The following ATXN7L2 variants were observed in gnomAD, a reference collection of about 807,000 sequenced individuals.
ATXN7L2 encodes ataxin 7 like 2, also known as ataxin-7-like protein 2.
ATXN7L2 carries 17 observed loss-of-function variants against 59.6 expected under a neutral mutation model. The observed-to-expected ratio is 0.29, with a 90% CI of 0.20 to 0.43. ATXN7L2 has a LOEUF of 0.43. Among genes scored for constraint, ATXN7L2 ranks in the 20% least tolerant of loss-of-function variants. ATXN7L2 has a pLI of 1.00. For synonymous variants in ATXN7L2, 378 were observed against 392.5 expected (o/e 0.96, Z 0.44); for missense variants, 858 against 1,008.9 (o/e 0.85, Z 2.03).
At chr1:109,492,558 C>T in intron 10 of ATXN7L2, 28 bp from the exon 11 acceptor site, 21 of 1,613,954 alleles carry the variant, frequency 1.3e-5, no homozygotes, top group Non-Finnish European at 1.8e-5. Flanking sequence ...CACCCTGACC[C>T]TTTCTCTCGC....
chr1:109,487,023 C>T lies in ATXN7L2; in HGVS notation c.315C>T (p.Pro105=). The stretch of plus-strand genomic sequence containing the variant: ...TGGTGACAGAAAGAAGACATGGGCC[C>T]CTCAGCAAGCTTTATGGCCGGGCCC... ...FQKHCERRHG[P]LSKLYGRAPP... The change falls in exon 4 of 11, where the codon CCC becomes CCT. Residue 105 remains proline (P), a synonymous_variant. Transcript: ENST00000683729. The T allele has an allele frequency of 3.1e-6, 5 of 1,597,842 alleles. No homozygotes were observed. Among genetic ancestry groups the T allele is most frequent in the Admixed American group, 1.8e-5 (1 of 56,144 alleles).
chr1:109,489,823 G>C (rs1372406752), intron 7 of ATXN7L2, 107 bp from the exon 8 acceptor site: 25 of 1,157,938 alleles, frequency 2.2e-5, no homozygotes, highest in Non-Finnish European at 2.7e-5. Context: ...TGCCCTGCAG[G>C]GTGTCTGCCC....
At chr1:109,485,834 G>C (rs1656548482) in intron 1 of ATXN7L2, 5 of 1,205,958 alleles carry the variant, frequency 4.1e-6, no homozygotes, top group Non-Finnish European at 5.2e-6. Context: ...AGGAAGATGG[G>C]CATTTGAGAA....
Position 109,486,623 on chromosome 1 carries a change from C to T in ATXN7L2, c.298+13C>T. The T allele has an allele frequency of 6.2e-7, 1 of 1,605,798 alleles. No homozygotes were observed. The highest frequency in any genetic ancestry group is 8.5e-7 in the Non-Finnish European group (1 of 1,172,860). On this transcript the variant is annotated intron_variant, in intron 3 of 10. Transcript: ENST00000683729. The surrounding 1 kb of genome is among the most constrained non-coding windows in gnomAD (Gnocchi z 4.3). ...CAGAAGCACTGCGGTGAGGGGAGCC[C>T]TAGGGAGGAGATAAAGGGACAGGGG...
Position 109,488,548 on chromosome 1 carries a change from T to C in ATXN7L2, c.879+83T>C, listed in dbSNP as rs962548159. 10 of 1,436,180 alleles carry C rather than the reference T, an allele frequency of 7.0e-6. No homozygotes were observed. The highest frequency in any genetic ancestry group is 1.4e-5 in the African/African-American group (1 of 70,570). The allele number at this position is 1,436,180 out of a possible 1,614,324, so 89.0% of individuals were successfully genotyped here. On this transcript the variant is annotated intron_variant, in intron 6 of 10. Transcript: ENST00000683729. The surrounding 1 kb of genome is among the most constrained non-coding windows in gnomAD (Gnocchi z 5.0). Reference sequence around the variant, plus strand: ...CCCTGGGCAAAGAGAGGAATGTCGATGTTACTGAAGGTCCAGCTTAAGGGA... The same window carrying C: ...CCCTGGGCAAAGAGAGGAATGTCGACGTTACTGAAGGTCCAGCTTAAGGGA...
rs12049330 is a variant in ATXN7L2 at position 109,488,566 on chromosome 1, T to A, written c.879+101T>A. 1.5e-6 allele frequency: 2 copies of A among 1,357,254 alleles called. No homozygotes were observed. Among genetic ancestry groups the A allele is most frequent in the Non-Finnish European group, 2.0e-6 (2 of 979,820 alleles). The allele number at this position is 1,357,254 out of a possible 1,614,324, so 84.1% of individuals were successfully genotyped here. ...ATGTCGATGTTACTGAAGGTCCAGC[T>A]TAAGGGAGGGCAGTTAGGCCCACCC... On this transcript the variant is annotated intron_variant, in intron 6 of 10. Transcript: ENST00000683729. The surrounding 1 kb of genome is among the most constrained non-coding windows in gnomAD (Gnocchi z 5.0).
In ATXN7L2 at chr1:109,488,284, C is replaced by A; in HGVS notation, c.797-99C>A. The A allele has an allele frequency of 8.6e-7, 1 of 1,158,450 alleles. No homozygotes were observed. The highest frequency in any genetic ancestry group is 1.3e-5 in the South Asian group (1 of 75,770). The allele number at this position is 1,158,450 out of a possible 1,614,324, so 71.8% of individuals were successfully genotyped here. A position where few individuals can be genotyped will look rare whatever the true frequency, so the allele number is the denominator to read the frequency against. ...GGCTGAGGGCTGGAGTCTCTTCTGCCTTAGTACCAGTTCTCAGGCCCTTGG... is the reference window on the plus strand; with the variant it reads ...GGCTGAGGGCTGGAGTCTCTTCTGCATTAGTACCAGTTCTCAGGCCCTTGG... On this transcript the variant is annotated intron_variant, in intron 5 of 10. Coordinates refer to ENST00000683729, the MANE Select transcript of ATXN7L2 (RefSeq NM_001350175.2). The surrounding 1 kb of genome is among the most constrained non-coding windows in gnomAD (Gnocchi z 5.0).
chr1:109,487,719 G>C lies in ATXN7L2; in HGVS notation c.711G>C (p.Gly237=), dbSNP rs373813012. The C allele has an allele frequency of 3.1e-6, 5 of 1,613,494 alleles. No individual in the cohort carries two copies. The African/African-American group carries it at 6.7e-5, about 22-fold the overall frequency. The change falls in exon 5 of 11, where the codon GGG becomes GGC. Residue 237 remains glycine (G), a synonymous_variant. Coordinates refer to ENST00000683729, the MANE Select transcript of ATXN7L2 (RefSeq NM_001350175.2). ...RENIEIIPSE[G]SSHWAEGSPP... ...ACATCGAGATCATCCCCAGTGAGGG[G>C]TCCAGTCACTGGGCTGAAGGCAGCC... is the stretch of plus-strand genomic sequence containing the variant.
In ATXN7L2 at chr1:109,487,046, C is replaced by A. The variant is rs988910209; in HGVS notation, c.338C>A (p.Ala113Asp). 16 of 1,609,728 alleles carry A rather than the reference C, an allele frequency of 9.9e-6. No homozygotes were observed. The highest frequency in any genetic ancestry group is 1.4e-5 in the Non-Finnish European group (16 of 1,178,078). Residue 113 changes from alanine to aspartate, a missense_variant, in exon 4 of 11, where the codon GCC becomes GAC. Ala to Asp is a moderately radical substitution (Grantham distance 126, BLOSUM62 -2). Around this residue, in one of 3 missense-constraint regions of ATXN7L2, gnomAD observed 734 missense variants for 862.3 expected, o/e 0.85. Coordinates refer to ENST00000683729, the MANE Select transcript of ATXN7L2 (RefSeq NM_001350175.2). ...HGPLSKLYGRAPPPPPAPASS... is the reference protein window; with the variant it reads ...HGPLSKLYGRDPPPPPAPASS... ...CCCCTCAGCAAGCTTTATGGCCGGG[C>A]CCCACCCCCACCTCCAGCCCCTGCC...
Position 109,488,964 on chromosome 1 carries a change from G to A in ATXN7L2, c.997G>A (p.Gly333Arg). The change falls in exon 7 of 11, where the codon GGG (glycine) becomes AGG (arginine). Residue 333 changes from glycine to arginine, a missense_variant. By Grantham distance (125) the Gly-to-Arg change is moderately radical. Around this residue, in one of 3 missense-constraint regions of ATXN7L2, gnomAD observed 734 missense variants for 862.3 expected, o/e 0.85. Transcript: ENST00000683729. The surrounding 1 kb of genome is among the most constrained non-coding windows in gnomAD (Gnocchi z 5.0). Reference protein sequence around the residue: ...KGESPKEKSPGRKEQVLERPS... With the variant: ...KGESPKEKSPRRKEQVLERPS... ...GGAGTCTCCCAAGGAGAAGAGCCCA[G>A]GGCGCAAGGAGCAAGTTCTCGAGCG... 1 of 1,614,180 alleles carries A rather than the reference G, an allele frequency of 6.2e-7. No individual in the cohort carries two copies. Among genetic ancestry groups the A allele is most frequent in the Non-Finnish European group, 8.5e-7 (1 of 1,180,012 alleles).
rs1656559320 is a variant in ATXN7L2, at chr1:109,486,019, ACTGGCC to A, written c.128-34_128-29del. ...AAGGAGAGGCTGGAGACTCTCTAAA[ACTGGCC>A]CTGACCCTTCTGAGCTGTGTTTCTC... On this transcript the variant is annotated intron_variant, in intron 1 of 10. Transcript: ENST00000683729. This position sits in a 1 kb window ranked among gnomAD's most constrained non-coding sequence, Gnocchi z 4.3. The A allele has an allele frequency of 1.1e-5, 17 of 1,521,448 alleles. No homozygotes were observed. The highest frequency in any genetic ancestry group is 3.5e-4 in the Middle Eastern group (2 of 5,662). 94.2% of individuals were successfully genotyped at this position (1,521,448 alleles called of 1,614,324 possible). A position where few individuals can be genotyped will look rare whatever the true frequency, so the allele number is the denominator to read the frequency against.
At chr1:109,492,791 G>A (rs1416031958), downstream of ATXN7L2, 2 of 713,772 alleles carry the variant, frequency 2.8e-6, no homozygotes, top group African/African-American at 1.8e-5. Flanking sequence ...ACATAGAAAA[G>A]GAAGGAAAAA....
rs1474811165 is a variant in ATXN7L2, at chr1:109,490,309, C to T, written c.1371C>T (p.Cys457=). Residue 457 remains cysteine (C), a synonymous_variant, in exon 9 of 11, where the codon TGC becomes TGT. Transcript: ENST00000683729. ...GGAGCCGGCTGGTGAGCCCAGGATG[C>T]TATGTGTTTAGCCGCCGGCTGGACC... ...TFGSRLVSPG[C]YVFSRRLDRF... 5 of 1,613,898 alleles carry T rather than the reference C, an allele frequency of 3.1e-6. No individual in the cohort carries two copies. The highest frequency in any genetic ancestry group is 1.3e-5 in the African/African-American group (1 of 74,944).
rs1657020656 is a variant in ATXN7L2 at position 109,491,090 on chromosome 1, C to T, written c.1623C>T (p.Tyr541=). 8 of 1,613,764 alleles carry T rather than the reference C, an allele frequency of 5.0e-6. No individual in the cohort carries two copies. The highest frequency in any genetic ancestry group is 5.9e-6 in the Non-Finnish European group (7 of 1,180,006). Residue 541 remains tyrosine (Y), a synonymous_variant, in exon 10 of 11, where the codon TAC becomes TAT. Coordinates refer to ENST00000683729, the MANE Select transcript of ATXN7L2 (RefSeq NM_001350175.2). This position sits in a 1 kb window ranked among gnomAD's most constrained non-coding sequence, Gnocchi z 4.1. ...PPTKDNLVPS[Y]PAGSPSVAAA... ...CCAAGGACAACCTTGTCCCCAGCTA[C>T]CCTGCAGGCTCCCCCAGCGTGGCGG...
chr1:109,487,435 A>G, intron 4 of ATXN7L2, 83 bp from the exon 5 acceptor site: 1 of 1,349,286 alleles, frequency 7.4e-7, no homozygotes, highest in Non-Finnish European at 9.7e-7. Context: ...GGGCTGGGAA[A>G]GAGATGGCTC....
intron 9 of ATXN7L2, 118 bp from the exon 10 acceptor site, chr1:109,490,804 C>A: frequency 2.5e-6 from 3 of 1,191,292 alleles, no homozygotes; most frequent in Non-Finnish European, 3.6e-6. Context: ...CAGATGGCAG[C>A]AACTCTGGGG....
chr1:109,490,992 T>C lies in ATXN7L2; in HGVS notation c.1525T>C (p.Ser509Pro). ...CCCGTTATCTGCTCCCCTGAGCCCA[T>C]CCTCTACAGGCACCTGCCCCCGCCT... Reference protein sequence around the residue: ...NSPLSAPLSPSSTGTCPRLPG... With the variant: ...NSPLSAPLSPPSTGTCPRLPG... Residue 509 changes from serine to proline, a missense_variant, in exon 10 of 11, where the codon TCC becomes CCC. Physicochemically the swap from Ser to Pro is moderately conservative, Grantham distance 74. Around this residue, in one of 3 missense-constraint regions of ATXN7L2, gnomAD observed 734 missense variants for 862.3 expected, o/e 0.85. Transcript: ENST00000683729. 1 of 1,612,880 alleles carries C rather than the reference T, an allele frequency of 6.2e-7. No individual in the cohort carries two copies.
At chr1:109,484,127 C>A in intron 1 of ATXN7L2, 47 bp downstream of exon 1, 1 of 1,395,396 alleles carries the variant, frequency 7.2e-7, no homozygotes, top group Non-Finnish European at 9.4e-7. Context: ...ACTATCTCCC[C>A]TCCCCCCTTC....
chr1:109,492,745 C>G, downstream of ATXN7L2: 4 of 912,904 alleles, frequency 4.4e-6, no homozygotes, highest in Non-Finnish European at 6.5e-6. Context: ...GACTGTCTCC[C>G]TGTTCTGTTG....
Sources: allele counts gnomAD v4.1 joint callset, GRCh38; gene constraint gnomAD v4.1.1; regional missense constraint gnomAD v4.1.1; non-coding constraint Gnocchi (gnomAD v3.1); transcripts MANE v1.5; gene names NCBI Gene and HGNC (gene_info 2026-07-23, HGNC 2026-07-21).